ZNF263: variants seen among roughly 807,000 people sequenced by gnomAD.
The protein encoded by ZNF263 is zinc finger protein FPM315.
A neutral mutation model predicts 63.1 loss-of-function variants in ZNF263; 49 were observed. The ratio of observed to expected loss-of-function variants is 0.78; its 90% CI spans 0.62 to 0.99. The LOEUF (loss-of-function observed/expected upper bound fraction) is 0.99. ZNF263 is among the 50% of genes least tolerant of loss of function. The pLI is 0.00. For missense variants in ZNF263, 872 were observed against 854.8 expected (o/e 1.02, Z -0.25); for synonymous variants, 352 against 324.2 (o/e 1.09, Z -0.92).
intron 2 of ZNF263, chr16:3,299,183 A>G (rs1377265385): frequency 5.6e-5 from 89 of 1,592,024 alleles, no homozygotes; most frequent in Non-Finnish European, 7.3e-5. Flanking sequence ...CTTACAGCAG[A>G]TAATTTAAAT....
chr16:3,285,981 C>T (rs1959338123), intron 3 of ZNF263, 42 bp from the exon 4 acceptor site: 2 of 1,613,572 alleles, frequency 1.2e-6, no homozygotes, highest in Non-Finnish European at 1.7e-6. Context: ...TTGAATTGTT[C>T]TTGGTGCATC....
In ZNF263 at chr16:3,289,811, G is replaced by A. The variant is rs1959534510; in HGVS notation, c.1305G>A (p.Lys435=). The change falls in exon 6 of 6, where the codon AAG becomes AAA. Residue 435 remains lysine, a synonymous_variant. Coordinates refer to ENST00000219069, the MANE Select transcript of ZNF263 (RefSeq NM_005741.5). Reference sequence around the variant, plus strand: ...CACACCTGGGAGAGGAGGCCCACAAGTGCCTTGAATGTGGGAAATGCTTCA... The same window carrying A: ...CACACCTGGGAGAGGAGGCCCACAAATGCCTTGAATGTGGGAAATGCTTCA... ...HRAHLGEEAH[K]CLECGKCFSQ... The A allele has an allele frequency of 6.2e-7, 1 of 1,614,234 alleles. No homozygotes were observed.
rs145279988 is a variant in ZNF263 at position 3,289,120 on chromosome 16, T to C, written c.887-273T>C. 7.9e-5 allele frequency among the ~76,000 whole-genome samples: 12 copies of C among 152,280 alleles called. No individual in the cohort carries two copies. The East Asian group carries it at 2.1e-3, about 27-fold the overall frequency. ...ACTTGTCCCACCCTACTCTCAGCCC[T>C]GCTCCATCCCACCCATTCCTGAAGG... On this transcript the variant is annotated intron_variant, in intron 5 of 5. Coordinates refer to ENST00000219069, the MANE Select transcript of ZNF263 (RefSeq NM_005741.5).
Position 3,284,225 on chromosome 16 carries a change from GT to G in ZNF263, c.387+24del. 1 of 1,505,918 alleles carries G rather than the reference GT, an allele frequency of 6.6e-7. No individual in the cohort carries two copies. Among genetic ancestry groups the G allele is most frequent in the Non-Finnish European group, 8.9e-7 (1 of 1,125,890 alleles). The allele number at this position is 1,505,918 out of a possible 1,614,324, so 93.3% of individuals were successfully genotyped here. A position where few individuals can be genotyped will look rare whatever the true frequency, so the allele number is the denominator to read the frequency against. Reference sequence around the variant, plus strand: ...CAACAGGTGAGAGAGAGAGAGAGCTGTTTTATCTGTGGTTTGTTTAGCCCTG... The same window carrying G: ...CAACAGGTGAGAGAGAGAGAGAGCTGTTTATCTGTGGTTTGTTTAGCCCTG... On this transcript the variant is annotated intron_variant, in intron 1 of 5. Transcript: ENST00000219069.
In ZNF263 at chr16:3,288,533, C is replaced by G. The variant is rs753471818; in HGVS notation, c.849C>G (p.Ser283Arg). The G allele has an allele frequency of 1.9e-6, 3 of 1,612,570 alleles. No homozygotes were observed. The highest frequency in any genetic ancestry group is 1.1e-5 in the South Asian group (1 of 90,990). Residue 283 changes from serine to arginine, a missense_variant, in exon 5 of 6, where the codon AGC becomes AGG. Transcript: ENST00000219069. ...GGKLWDPSVQ[S>R]CKEGLSPRGP... Reference sequence around the variant, plus strand: ...AGCTATGGGATCCCAGTGTCCAGAGCTGCAAGGAGGGCCTGAGCCCCAGAG... The same window carrying G: ...AGCTATGGGATCCCAGTGTCCAGAGGTGCAAGGAGGGCCTGAGCCCCAGAG...
At chr16:3,284,720 A>C (rs1358376084) in intron 1 of ZNF263, among the ~76,000 whole-genome samples, 1 of 152,142 alleles carries the variant, frequency 6.6e-6, no homozygotes, top group Non-Finnish European at 1.5e-5. Flanking sequence ...ATAATTTGGC[A>C]CCGAGGCCCT....
chr16:3,298,829 G>A, intron 1 of ZNF263: 1 of 403,664 alleles, frequency 2.5e-6, no homozygotes, highest in Admixed American at 4.4e-5. Context: ...AAACACAAAT[G>A]TATTATTTTC....
rs778176324 is a variant in ZNF263, at chr16:3,284,000, G to A, written c.182G>A (p.Arg61Gln). Residue 61 changes from arginine (R) to glutamine (Q), a missense_variant, in exon 1 of 6, where the codon CGG becomes CAG. Transcript: ENST00000219069. ...GCTGGTCCCCGGGAAGCCCTCAGCC[G>A]GCTCCAAGAGCTTTGCCATGGGTGG... ...EAAGPREALS[R>Q]LQELCHGWLR... is the part of the protein sequence containing the mutation. 2 of 1,613,848 alleles carry A rather than the reference G, an allele frequency of 1.2e-6. No homozygotes were observed. Among genetic ancestry groups the A allele is most frequent in the South Asian group, 1.1e-5 (1 of 91,082 alleles).
At chr16:3,291,682 G>C (rs1959616589), downstream of ZNF263, among the ~76,000 whole-genome samples, 1 of 152,152 alleles carries the variant, frequency 6.6e-6, no homozygotes, top group African/African-American at 2.4e-5. Context: ...TGGCTGCTGG[G>C]GTGATGCTGT....
chr16:3,286,794 G>A (rs1296790593), intron 4 of ZNF263: 2 of 152,162 alleles, frequency 1.3e-5, no homozygotes, highest in Non-Finnish European at 2.9e-5. Context: ...TTTAGGTGGA[G>A]GATATGCTTG....
At chr16:3,287,203 C>G (rs1233652511) in intron 4 of ZNF263, among the ~76,000 whole-genome samples, 2 of 152,160 alleles carry the variant, frequency 1.3e-5, no homozygotes, top group African/African-American at 4.8e-5. Context: ...CTCTGCCTCC[C>G]GGGTTCAAGT....
At position 3,290,974 on chromosome 16, in the gene ZNF263, G is replaced by C. The variant is rs1959592879; in HGVS notation, c.*416G>C. 1 of 999,768 alleles carries C rather than the reference G, an allele frequency of 1.0e-6. No homozygotes were observed. The highest frequency in any genetic ancestry group is 1.7e-5 in the African/African-American group (1 of 57,384). 61.9% of individuals were successfully genotyped at this position (999,768 alleles called of 1,614,324 possible). A position where few individuals can be genotyped will look rare whatever the true frequency, so the allele number is the denominator to read the frequency against. ...GCATTTGGGCTTCCGGGGCCCCTGA[G>C]ACCAAAGAAGAGGGGCCAAGTACCC... On this transcript the variant is annotated 3_prime_UTR_variant, in exon 6 of 6. Transcript: ENST00000219069.
At chr16:3,285,316 A>C (rs1025716620) in intron 2 of ZNF263, 77 bp downstream of exon 2, 20 of 1,443,558 alleles carry the variant, frequency 1.4e-5, no homozygotes, top group Admixed American at 4.7e-5. Context: ...GGATGTAGCA[A>C]TGATGCGAAG....
At chr16:3,292,259 G>A (rs1004985532), downstream of ZNF263, among the ~76,000 whole-genome samples, 1 of 152,198 alleles carries the variant, frequency 6.6e-6, no homozygotes, top group Non-Finnish European at 1.5e-5. Flanking sequence ...GCAACTTGAA[G>A]TCATGGAAAC....
Position 3,290,625 on chromosome 16 carries a change from G to A in ZNF263, c.*67G>A, listed in dbSNP as rs1223637215. On this transcript the variant is annotated 3_prime_UTR_variant, in exon 6 of 6. Coordinates refer to ENST00000219069, the MANE Select transcript of ZNF263 (RefSeq NM_005741.5). Reference sequence around the variant, plus strand: ...TCAGAGGAGCCTGTTGGCAAGAGCTGGTATTCCCTGCCCAGCCGACCAAAT... The same window carrying A: ...TCAGAGGAGCCTGTTGGCAAGAGCTAGTATTCCCTGCCCAGCCGACCAAAT... 2 of 1,520,130 alleles carry A rather than the reference G, an allele frequency of 1.3e-6. No homozygotes were observed. The highest frequency in any genetic ancestry group is 1.8e-6 in the Non-Finnish European group (2 of 1,141,828). The allele number at this position is 1,520,130 out of a possible 1,614,324, so 94.2% of individuals were successfully genotyped here.
Position 3,291,101 on chromosome 16 carries a change from T to C in ZNF263, c.*543T>C. The C allele has an allele frequency of 3.0e-6, 3 of 988,358 alleles. No individual in the cohort carries two copies. The highest frequency in any genetic ancestry group is 3.6e-6 in the Non-Finnish European group (3 of 831,680). 61.2% of individuals were successfully genotyped at this position (988,358 alleles called of 1,614,324 possible). On this transcript the variant is annotated 3_prime_UTR_variant, in exon 6 of 6. Coordinates refer to ENST00000219069, the MANE Select transcript of ZNF263 (RefSeq NM_005741.5). ...GGGCAGTCCAGATCAAGCCACCACG[T>C]GCCCTACGATGGCCTAACAGGAGTG...
rs748749330 is a variant in ZNF263, at chr16:3,283,871, TGGA to T, written c.60_62del (p.Glu20del). The T allele has an allele frequency of 1.2e-6, 2 of 1,606,556 alleles. No individual in the cohort carries two copies. Among genetic ancestry groups the T allele is most frequent in the Non-Finnish European group, 1.7e-6 (2 of 1,177,348 alleles). On this transcript the variant is annotated inframe_deletion, in exon 1 of 6. Coordinates refer to ENST00000219069, the MANE Select transcript of ZNF263 (RefSeq NM_005741.5). Reference sequence around the variant, plus strand: ...CGGGAAGGGCTCCTGATAGTGAAGCTGGAGGAGGACTGCGCCTGGAGCCAGGAG... The same window carrying T: ...CGGGAAGGGCTCCTGATAGTGAAGCTGGAGGACTGCGCCTGGAGCCAGGAG...
At chr16:3,299,189 T>A in intron 2 of ZNF263, 2 of 1,594,378 alleles carry the variant, frequency 1.3e-6, no homozygotes, top group South Asian at 2.3e-5. Flanking sequence ...GCAGATAATT[T>A]AAATTCAGCA....
rs1248811599 is a variant in ZNF263 at position 3,283,648 on chromosome 16, G to A, written c.-171G>A. On this transcript the variant is annotated 5_prime_UTR_variant, in exon 1 of 6. Coordinates refer to ENST00000219069, the MANE Select transcript of ZNF263 (RefSeq NM_005741.5). ...CGTGGCGGCGCCTGGGACCGACTGAGGCCTAGGCGCCGGAGCCGGCCGCGC... is the reference window on the plus strand; with the variant it reads ...CGTGGCGGCGCCTGGGACCGACTGAAGCCTAGGCGCCGGAGCCGGCCGCGC... 2.7e-6 allele frequency: 3 copies of A among 1,116,440 alleles called. No individual in the cohort carries two copies. 69.2% of individuals were successfully genotyped at this position (1,116,440 alleles called of 1,614,324 possible).
Sources: allele counts gnomAD v4.1 joint callset (sites outside exome capture counted in the v4.1 genomes callset), GRCh38; gene constraint gnomAD v4.1.1; transcripts MANE v1.5; gene names NCBI Gene and HGNC (gene_info 2026-07-23, HGNC 2026-07-21).